Variants in ZNF114 observed in about 807,000 individuals in gnomAD.
ZNF114 encodes zinc finger protein 114.
Under a neutral mutation model 6.8 loss-of-function variants are expected in ZNF114, and 8 were observed. The observed-to-expected ratio is 1.18, with a 90% CI of 0.69 to 2.13. The LOEUF (loss-of-function observed/expected upper bound fraction) is 2.13, where lower values mean the gene tolerates loss of function less well. ZNF114 is among the 30% of genes most tolerant of loss of function. The pLI is 0.00. For missense variants in ZNF114, 472 were observed against 519.5 expected (o/e 0.91, Z 0.89); for synonymous variants, 169 against 185.5 (o/e 0.91, Z 0.72).
chr19:48,280,104 G>T (rs1018038940), intron 4 of ZNF114, among the ~76,000 whole-genome samples: 3 of 152,154 alleles, frequency 2.0e-5, no homozygotes, highest in African/African-American at 7.2e-5. Context: ...TGTCTTTGGT[G>T]GGGTGCAGTG....
chr19:48,270,419 G>A (rs1455060488), intron 1 of ZNF114, among the ~76,000 whole-genome samples, 200 bp downstream of exon 1: 1 of 77,186 alleles, frequency 1.3e-5, no homozygotes, highest in Non-Finnish European at 2.5e-5. Flanking sequence ...AAAAGAATAA[G>A]AAAAGGAAAA....
intron 3 of ZNF114, among the ~76,000 whole-genome samples, chr19:48,272,311 C>G (rs1028377298): frequency 3.3e-5 from 5 of 151,798 alleles, no homozygotes; most frequent in African/African-American, 1.2e-4. Context: ...ACTCAGGAGG[C>G]TGAGGCAGTA....
chr19:48,274,934 G>T (rs1256319273), intron 3 of ZNF114, among the ~76,000 whole-genome samples: 1 of 152,036 alleles, frequency 6.6e-6, no homozygotes, highest in Non-Finnish European at 1.5e-5. Flanking sequence ...AGTCAGAATG[G>T]CAGAACGTCC....
chr19:48,280,275 T>G (rs76752040), intron 4 of ZNF114, among the ~76,000 whole-genome samples: 6,145 of 152,066 alleles, frequency 0.04, 230 homozygotes, highest in Middle Eastern at 0.14. Flanking sequence ...TCCCAGCTAC[T>G]TAAGAGGCTG....
chr19:48,280,964 G>A (rs1366218885), intron 4 of ZNF114, among the ~76,000 whole-genome samples: 12 of 152,096 alleles, frequency 7.9e-5, no homozygotes, highest in Non-Finnish European at 1.5e-5. Flanking sequence ...AAGTCCGGTC[G>A]CGTGACTCAG....
At chr19:48,280,963 C>T (rs1026193565) in intron 4 of ZNF114, among the ~76,000 whole-genome samples, 6 of 152,062 alleles carry the variant, frequency 3.9e-5, no homozygotes, top group South Asian at 2.1e-4. Flanking sequence ...GAAGTCCGGT[C>T]GCGTGACTCA....
chr19:48,272,673 C>CAAAA (rs57823987), intron 3 of ZNF114, among the ~76,000 whole-genome samples: 436 of 39,224 alleles, frequency 0.011, 54 homozygotes, highest in African/African-American at 0.041. Flanking sequence ...GACTCTCTCT[C>CAAAA]AAAAAAAAAA....
At chr19:48,272,692 A>AAAAAAAAAAAAAAAAAC (rs1967700223) in intron 3 of ZNF114, among the ~76,000 whole-genome samples, 1 of 143,954 alleles carries the variant, frequency 6.9e-6, no homozygotes, top group Admixed American at 6.8e-5. Context: ...AAAAAAAAAA[A>AAAAAAAAAAAAAAAAAC]AAAAAAGTAT....
At chr19:48,280,283 C>A (rs1273028015) in intron 4 of ZNF114, among the ~76,000 whole-genome samples, 1 of 151,982 alleles carries the variant, frequency 6.6e-6, no homozygotes, top group African/African-American at 2.4e-5. Context: ...ACTTAAGAGG[C>A]TGAGGTGAGA....
rs1276435738 is a variant in ZNF114 at position 48,271,800 on chromosome 19, G to A, written c.-98G>A. 1 of 152,432 alleles carries A rather than the reference G, an allele frequency of 6.6e-6. No homozygotes were observed. The highest frequency in any genetic ancestry group is 1.5e-5 in the Non-Finnish European group (1 of 68,216). 9.4% of individuals were successfully genotyped at this position (152,432 alleles called of 1,614,324 possible). A position where few individuals can be genotyped will look rare whatever the true frequency, so the allele number is the denominator to read the frequency against. On this transcript the variant is annotated 5_prime_UTR_variant, in exon 3 of 6. Transcript: ENST00000595607. ...GCTTTTGGGCTGCGCCACCGACAGAGACATCTGGAAGCCGGAGCTAGTGGA... is the reference window on the plus strand; with the variant it reads ...GCTTTTGGGCTGCGCCACCGACAGAAACATCTGGAAGCCGGAGCTAGTGGA...
intron 3 of ZNF114, among the ~76,000 whole-genome samples, chr19:48,274,154 G>A (rs1167161748): frequency 6.6e-6 from 1 of 151,262 alleles, no homozygotes; most frequent in Non-Finnish European, 1.5e-5. Context: ...ATGTGTGAGT[G>A]TCTATATATA....
intron 3 of ZNF114, among the ~76,000 whole-genome samples, chr19:48,277,610 G>A (rs961884821): frequency 1.3e-5 from 2 of 152,128 alleles, no homozygotes; most frequent in Admixed American, 6.6e-5. Context: ...GCTGGGAGAC[G>A]TTTCCAGCCG....
chr19:48,273,520 G>T (rs1003958348), intron 3 of ZNF114, among the ~76,000 whole-genome samples: 1 of 151,690 alleles, frequency 6.6e-6, no homozygotes, highest in Non-Finnish European at 1.5e-5. Context: ...GGAAAGGACG[G>T]AATTCAGGGA....
intron 3 of ZNF114, among the ~76,000 whole-genome samples, chr19:48,277,794 G>GGGTGTGTGT (rs1330052475): frequency 1.7e-4 from 20 of 119,338 alleles, no homozygotes; most frequent in African/African-American, 6.6e-4. Context: ...GGAGGCATTG[G>GGGTGTGTGT]GTGTGTGTGT....
intron 1 of ZNF114, chr19:48,270,941 C>CAGCT (rs1245711100): frequency 1.3e-5 from 2 of 151,806 alleles, no homozygotes; most frequent in African/African-American, 4.8e-5. Context: ...CCTGTAGTCC[C>CAGCT]AGCTACTCGG....
chr19:48,277,835 T>TGTGTGTGTGTGTGTGTGTG (rs1967886817), intron 3 of ZNF114, among the ~76,000 whole-genome samples: 1 of 15,052 alleles, frequency 6.6e-5, no homozygotes, highest in Non-Finnish European at 2.1e-4. Context: ...GTGTGTGTGT[T>TGTGTGTGTGTGTGTGTGTG]CGTGACGATA....
chr19:48,272,621 C>CTTTTTTTTTTTTTTTGAGAGGGAGTCT (rs1568989041), intron 3 of ZNF114, among the ~76,000 whole-genome samples: 1 of 124,836 alleles, frequency 8.0e-6, no homozygotes, highest in African/African-American at 3.2e-5. Flanking sequence ...TTGCAGTGAG[C>CTTTTTTTTTTTTTTTGAGAGGGAGTCT]CGAGATCGTG....
intron 5 of ZNF114, among the ~76,000 whole-genome samples, chr19:48,283,512 A>G (rs565520427): frequency 9.2e-5 from 14 of 152,232 alleles, no homozygotes; most frequent in Non-Finnish European, 1.2e-4. Flanking sequence ...AGTGCAGGGC[A>G]GTTTTGTCCA....
At position 48,286,224 on chromosome 19, in the gene ZNF114, G is replaced by A. The variant is rs1358788585; in HGVS notation, c.600G>A (p.Trp200Ter). The change falls in exon 6 of 6, where the codon TGG becomes TGA. Residue 200 changes from tryptophan to a stop codon, truncating the protein, a stop_gained. Transcript: ENST00000595607. LOFTEE classifies it low-confidence loss of function (END_TRUNC). ...AAACAGAGCTGAAATCAAGCACATGGACTGGCAGTCAGAACACTGTGCATC... is the reference window on the plus strand; with the variant it reads ...AAACAGAGCTGAAATCAAGCACATGAACTGGCAGTCAGAACACTGTGCATC... Reference protein sequence around the residue: ...GRKTELKSSTWTGSQNTVHHI... With the variant: ...GRKTELKSST 3.1e-6 allele frequency: 5 copies of A among 1,614,204 alleles called. No homozygotes were observed. In the East Asian group the frequency reaches 1.1e-4, roughly 36 times the overall value.
Sources: allele counts gnomAD v4.1 joint callset (sites outside exome capture counted in the v4.1 genomes callset), GRCh38; gene constraint gnomAD v4.1.1; transcripts MANE v1.5; gene names NCBI Gene and HGNC (gene_info 2026-07-23, HGNC 2026-07-21).